The following MAMDC2 variants were observed in gnomAD, a reference collection of about 807,000 sequenced individuals.
MAMDC2 encodes MAM domain containing 2, also known as MAM domain-containing protein 2.
Under a neutral mutation model 89.8 loss-of-function variants are expected in MAMDC2, and 57 were observed. The ratio of observed to expected loss-of-function variants is 0.63; its 90% confidence interval spans 0.51 to 0.79. The LOEUF (loss-of-function observed/expected upper bound fraction) is 0.79. Among genes scored for constraint, MAMDC2 ranks in the 30% least tolerant of loss-of-function variants. The pLI is 0.00. For missense variants in MAMDC2, 800 were observed against 820.6 expected, an observed-to-expected ratio of 0.97 and a Z score of 0.31; for synonymous variants, 313 against 293.4, an observed-to-expected ratio of 1.07 and a Z score of -0.68.
intron 7 of MAMDC2, 40 bp downstream of exon 7, chr9:70,131,652 C>A: frequency 7.0e-7 from 1 of 1,420,012 alleles, no homozygotes. Flanking sequence ...TGGGATGTTC[C>A]TGTTTCAATA....
chr9:70,113,945 G>A (rs1176277873), intron 5 of MAMDC2: 23 of 152,092 alleles, frequency 1.5e-4, no homozygotes, highest in Admixed American at 1.5e-3. Flanking sequence ...CATAGATATT[G>A]AGGTAATATA....
At chr9:70,187,259 G>C (rs1007165261) in intron 11 of MAMDC2, among the ~76,000 whole-genome samples, 2 of 151,744 alleles carry the variant, frequency 1.3e-5, no homozygotes, top group African/African-American at 4.8e-5. Flanking sequence ...TATCCTTCAT[G>C]CTCTCTTACA....
chr9:70,134,230 A>C (rs918249409), intron 7 of MAMDC2, among the ~76,000 whole-genome samples: 5 of 151,850 alleles, frequency 3.3e-5, no homozygotes, highest in Non-Finnish European at 7.4e-5. Context: ...CGGACCTGAG[A>C]CCCATCTCAT....
At chr9:70,142,401 A>T (rs1381599226) in intron 8 of MAMDC2, among the ~76,000 whole-genome samples, 1 of 152,164 alleles carries the variant, frequency 6.6e-6, no homozygotes, top group African/African-American at 2.4e-5. Context: ...AAGCATTTGG[A>T]ATTTTATTAT....
intron 11 of MAMDC2, among the ~76,000 whole-genome samples, chr9:70,182,776 T>C (rs554557747): frequency 2.6e-4 from 40 of 152,224 alleles, no homozygotes; most frequent in Non-Finnish European, 5.0e-4. Context: ...GGTCTATCTA[T>C]TTTATTGATC....
At chr9:70,064,489 T>C (rs965006793) in intron 2 of MAMDC2, among the ~76,000 whole-genome samples, 2 of 152,184 alleles carry the variant, frequency 1.3e-5, no homozygotes, top group African/African-American at 4.8e-5. Flanking sequence ...CCAATCCCAC[T>C]GTCTGTAAGG....
At chr9:70,217,565 A>T in intron 11 of MAMDC2, 1 of 1,598,066 alleles carries the variant, frequency 6.3e-7, no homozygotes. Flanking sequence ...GCATCTAAAA[A>T]GACTGCAATG....
chr9:70,067,859 G>T (rs536635701), intron 2 of MAMDC2, among the ~76,000 whole-genome samples: 1 of 152,180 alleles, frequency 6.6e-6, no homozygotes, highest in Non-Finnish European at 1.5e-5. Flanking sequence ...TCCTCATTGA[G>T]TCACTAGATC....
intron 5 of MAMDC2, among the ~76,000 whole-genome samples, chr9:70,114,367 T>C (rs1170343664): frequency 6.6e-6 from 1 of 150,806 alleles, no homozygotes; most frequent in African/African-American, 2.4e-5. Flanking sequence ...CCAGATCTTT[T>C]GATGTTTCAA....
At chr9:70,167,646 A>C (rs956116112) in intron 9 of MAMDC2, among the ~76,000 whole-genome samples, 1 of 152,242 alleles carries the variant, frequency 6.6e-6, no homozygotes, top group Non-Finnish European at 1.5e-5. Flanking sequence ...ATCTAATACA[A>C]ATGTTTTTAA....
At chr9:70,147,898 C>T (rs925294290) in intron 9 of MAMDC2, 2 of 150,254 alleles carry the variant, frequency 1.3e-5, no homozygotes, top group Non-Finnish European at 3.0e-5. Context: ...TCCAAATGGC[C>T]CTAGAGGTGT....
chr9:70,102,891 T>C (rs1466923646), intron 2 of MAMDC2, among the ~76,000 whole-genome samples: 1 of 152,226 alleles, frequency 6.6e-6, no homozygotes, highest in African/African-American at 2.4e-5. Flanking sequence ...ATCCCTGGCC[T>C]GATGCATCAC....
rs1293370003 is a variant in MAMDC2, at chr9:70,113,095, C to T, written c.606C>T (p.Ser202=). 1.9e-6 allele frequency: 3 copies of T among 1,613,962 alleles called. No individual in the cohort carries two copies. Among genetic ancestry groups the T allele is most frequent in the African/African-American group, 2.7e-5 (2 of 74,920 alleles). Residue 202 remains serine, a synonymous_variant, in exon 5 of 14, where the codon TCC becomes TCT. Coordinates refer to ENST00000377182, the MANE Select transcript of MAMDC2 (RefSeq NM_153267.5). ...VGGGSIRNVH[S]ILPQDHTFKS... ...GAGGAAGTATTCGGAATGTCCACTC[C>T]ATTCTCCCACAGGATCACACCTTCA...
At chr9:70,206,277 A>G (rs1483207679) in intron 11 of MAMDC2, among the ~76,000 whole-genome samples, 1 of 152,176 alleles carries the variant, frequency 6.6e-6, no homozygotes, top group East Asian at 1.9e-4. Flanking sequence ...TATTGTTATA[A>G]TTGTTCTATT....
intron 2 of MAMDC2, among the ~76,000 whole-genome samples, chr9:70,063,731 C>T (rs774046914): frequency 6.6e-6 from 1 of 152,134 alleles, no homozygotes; most frequent in Non-Finnish European, 1.5e-5. Flanking sequence ...ACTTGCTAGG[C>T]ACTTTATTCT....
intron 11 of MAMDC2, among the ~76,000 whole-genome samples, chr9:70,199,942 T>A (rs1323008107): frequency 6.6e-6 from 1 of 152,214 alleles, no homozygotes; most frequent in Non-Finnish European, 1.5e-5. Context: ...TTGTAGATTC[T>A]GGATATTAGC....
intron 11 of MAMDC2, among the ~76,000 whole-genome samples, chr9:70,198,920 T>C (rs868797506): frequency 1.6e-4 from 24 of 152,132 alleles, no homozygotes; most frequent in African/African-American, 5.3e-4. Flanking sequence ...GTCCCTGTCT[T>C]TTAAGAATTT....
chr9:70,208,298 T>C (rs1448990742), intron 11 of MAMDC2, among the ~76,000 whole-genome samples: 1 of 152,206 alleles, frequency 6.6e-6, no homozygotes, highest in African/African-American at 2.4e-5. Flanking sequence ...TGTGTCCTCT[T>C]TTATTTCATT....
chr9:70,191,692 T>C (rs781193285), intron 11 of MAMDC2, among the ~76,000 whole-genome samples: 58 of 152,046 alleles, frequency 3.8e-4, no homozygotes, highest in African/African-American at 1.4e-3. Context: ...TAGTTCTGTT[T>C]TGCTAGCCTA....
Sources: allele counts gnomAD v4.1 joint callset (sites outside exome capture counted in the v4.1 genomes callset), GRCh38; gene constraint gnomAD v4.1.1; transcripts MANE v1.5; gene names NCBI Gene and HGNC (gene_info 2026-07-23, HGNC 2026-07-21).